Variants in LRP5 observed in about 807,000 individuals in gnomAD.
LRP5 encodes low-density lipoprotein receptor-related protein 5.
In LRP5, 62 loss-of-function variants were observed where a neutral mutation model predicts 154.1. That is an observed-to-expected ratio of 0.40 (90% CI 0.33 to 0.50). The LOEUF is 0.50. Among genes scored for constraint, LRP5 ranks in the 20% least tolerant of loss-of-function variants. The probability of loss-of-function intolerance (pLI) is 0.55; values close to 1 mark genes in which losing one functional copy is unlikely to be tolerated. For missense variants in LRP5, 1,915 were observed against 2,336.7 expected, an observed-to-expected ratio of 0.82 and a Z score of 3.72; for synonymous variants, 966 against 1,011.5, an observed-to-expected ratio of 0.96 and a Z score of 0.85.
At chr11:68,402,188 C>T (rs1440322316) in intron 7 of LRP5, among the ~76,000 whole-genome samples, 2 of 152,198 alleles carry the variant, frequency 1.3e-5, no homozygotes, top group Non-Finnish European at 2.9e-5. Context: ...CTCTTTCATC[C>T]TGTCCTGAGA....
intron 20 of LRP5, 95 bp from the exon 21 acceptor site, chr11:68,439,682 G>A (rs1200787927): frequency 1.3e-5 from 17 of 1,328,774 alleles, no homozygotes; most frequent in East Asian, 5.0e-5. Flanking sequence ...TCTGAGTCTC[G>A]TGGGTAGTGG....
rs2098624405 is a variant in LRP5 at position 68,357,795 on chromosome 11, G to T, written c.634G>T (p.Ala212Ser). Residue 212 changes from alanine (A) to serine (S), a missense_variant, in exon 3 of 23, where the codon GCT (alanine) becomes TCT (serine). This residue lies in a region of LRP5 where 773 missense variants were observed against 1,100.9 expected (regional missense o/e 0.70). Coordinates refer to ENST00000294304, the MANE Select transcript of LRP5 (RefSeq NM_002335.4). ...CCTGGAGGAGCAGAAGCTCTACTGG[G>T]CTGACGCCAAGCTCAGCTTCATCCA... Reference protein sequence around the residue: ...IDLEEQKLYWADAKLSFIHRA... With the variant: ...IDLEEQKLYWSDAKLSFIHRA... The T allele has an allele frequency of 6.2e-7, 1 of 1,613,878 alleles. No individual in the cohort carries two copies.
intron 2 of LRP5, among the ~76,000 whole-genome samples, chr11:68,351,839 C>T (rs1361973721): frequency 6.6e-6 from 1 of 152,124 alleles, no homozygotes; most frequent in Non-Finnish European, 1.5e-5. Flanking sequence ...GGGAAGGCCT[C>T]TTGGTGACTT....
intron 12 of LRP5, 134 bp from the exon 13 acceptor site, chr11:68,416,194 C>A (rs1422566276): frequency 5.4e-6 from 4 of 746,928 alleles, no homozygotes; most frequent in Non-Finnish European, 9.6e-6. Context: ...CAGCCCTGGT[C>A]CCCCCGTCTT....
intron 1 of LRP5, among the ~76,000 whole-genome samples, chr11:68,326,151 G>A (rs113685756): frequency 1.1e-4 from 17 of 152,356 alleles, no homozygotes; most frequent in African/African-American, 4.1e-4. Flanking sequence ...GCCCTGGTGG[G>A]ATGGGGTCAG....
chr11:68,322,786 A>G (rs2098597440), intron 1 of LRP5, among the ~76,000 whole-genome samples: 1 of 152,242 alleles, frequency 6.6e-6, no homozygotes, highest in African/African-American at 2.4e-5. Flanking sequence ...CCTAGGTTGT[A>G]GAACACCTGT....
upstream of LRP5, among the ~76,000 whole-genome samples, chr11:68,307,926 A>G (rs562266842): frequency 9.8e-4 from 150 of 152,340 alleles, 1 homozygote; most frequent in African/African-American, 3.6e-3. Flanking sequence ...CATGATTCCC[A>G]CTTTTTGAAT....
Position 68,438,681 on chromosome 11 carries a change from A to G in LRP5, c.4347A>G (p.Thr1449=), listed in dbSNP as rs1219343767. ...APGGSQHGPF[T]GIACGKSMMS... ...GCGGTTCCCAGCATGGCCCCTTCAC[A>G]GGTAAGGAGCCTGAGATATGGAATG... The change falls in exon 20 of 23, where the codon ACA becomes ACG. Residue 1449 remains threonine, a splice_region_variant and synonymous_variant. Coordinates refer to ENST00000294304, the MANE Select transcript of LRP5 (RefSeq NM_002335.4). 2 of 1,610,922 alleles carry G rather than the reference A, an allele frequency of 1.2e-6. No individual in the cohort carries two copies. The highest frequency in any genetic ancestry group is 1.7e-5 in the Admixed American group (1 of 59,980).
At position 68,361,561 on chromosome 11, in the gene LRP5, C is replaced by T. The variant is rs113425905; in HGVS notation, c.687-2186C>T. Among the ~76,000 whole-genome samples the T allele has an allele frequency of 4.1e-3, 606 of 147,918 alleles. 7 individuals are homozygous for T. Among genetic ancestry groups the T allele is most frequent in the African/African-American group, 0.014 (576 of 40,082 alleles). ...CTGAGGCAGGAGAATGGTGTGAACCCGGGAGGCAGAGCTTGCAGTGAGCTG... is the reference window on the plus strand; with the variant it reads ...CTGAGGCAGGAGAATGGTGTGAACCTGGGAGGCAGAGCTTGCAGTGAGCTG... On this transcript the variant is annotated intron_variant, in intron 3 of 22. Coordinates refer to ENST00000294304, the MANE Select transcript of LRP5 (RefSeq NM_002335.4).
chr11:68,429,702 T>C lies in LRP5; in HGVS notation c.3763+2T>C, dbSNP rs774270653. On this transcript the variant is annotated splice_donor_variant, in intron 17 of 22. Coordinates refer to ENST00000294304, the MANE Select transcript of LRP5 (RefSeq NM_002335.4). LOFTEE classifies it high-confidence loss of function. ...TGCAGAACCTGCTGACCTGTGGAGGTAGGTGTGACCTAGGTGCTCCTTTGG... is the reference window on the plus strand; with the variant it reads ...TGCAGAACCTGCTGACCTGTGGAGGCAGGTGTGACCTAGGTGCTCCTTTGG... 1.4e-5 allele frequency: 22 copies of C among 1,613,980 alleles called. No homozygotes were observed. Among genetic ancestry groups the C allele is most frequent in the African/African-American group, 2.7e-5 (2 of 74,920 alleles).
At chr11:68,422,128 G>T (rs1484374498) in intron 13 of LRP5, among the ~76,000 whole-genome samples, 3 of 151,806 alleles carry the variant, frequency 2.0e-5, no homozygotes, top group Non-Finnish European at 4.4e-5. Context: ...AATTTTTTTT[G>T]ATACAGATGG....
intron 1 of LRP5, among the ~76,000 whole-genome samples, chr11:68,315,307 C>T (rs1333290364): frequency 6.6e-6 from 1 of 152,206 alleles, no homozygotes; most frequent in Non-Finnish European, 1.5e-5. Context: ...TGGCCCCAGC[C>T]GGTCTAGAGG....
At chr11:68,409,221 T>C (rs898686102) in intron 9 of LRP5, among the ~76,000 whole-genome samples, 1 of 60,988 alleles carries the variant, frequency 1.6e-5, no homozygotes, top group Non-Finnish European at 3.8e-5. Flanking sequence ...ATATATAATA[T>C]ATAATATAAA....
intron 17 of LRP5, among the ~76,000 whole-genome samples, chr11:68,429,973 C>A (rs990538037): frequency 6.6e-6 from 1 of 152,192 alleles, no homozygotes. Context: ...CCTGAGATGA[C>A]ATCTTTGGCT....
intron 1 of LRP5, among the ~76,000 whole-genome samples, chr11:68,329,363 T>C (rs2098601469): frequency 6.6e-6 from 1 of 152,228 alleles, no homozygotes; most frequent in African/African-American, 2.4e-5. Context: ...TACCCTCATT[T>C]TACAGACGAA....
In LRP5 at chr11:68,417,281, G is replaced by T. The variant is rs143333833; in HGVS notation, c.3027+754G>T. ...ATGGCCCCAGCAGTGAGCCCAGGGA[G>T]GTCAGAGACGGAGGTGTGTGTGTGG... On this transcript the variant is annotated intron_variant, in intron 13 of 22. Coordinates refer to ENST00000294304, the MANE Select transcript of LRP5 (RefSeq NM_002335.4). Among the ~76,000 whole-genome samples, 364 of 152,098 alleles carry T rather than the reference G, an allele frequency of 2.4e-3. 1 individual carries two copies. Among genetic ancestry groups the T allele is most frequent in the Middle Eastern group, 0.014 (4 of 294 alleles).
intron 7 of LRP5, among the ~76,000 whole-genome samples, chr11:68,390,869 C>T (rs1468181135): frequency 6.6e-6 from 1 of 152,134 alleles, no homozygotes; most frequent in African/African-American, 2.4e-5. Context: ...CCGCTGTGGT[C>T]GGGTTTCAGT....
chr11:68,378,388 T>G (rs1227813120), intron 5 of LRP5, among the ~76,000 whole-genome samples: 1 of 151,954 alleles, frequency 6.6e-6, no homozygotes, highest in Admixed American at 6.6e-5. Context: ...ATTCTTCCTG[T>G]CAACACATCT....
chr11:68,400,714 G>A, intron 7 of LRP5, among the ~76,000 whole-genome samples: 1 of 151,968 alleles, frequency 6.6e-6, no homozygotes, highest in South Asian at 2.1e-4. Context: ...GGCAACAAGA[G>A]TGAAACTCCG....
Sources: gnomAD v4.1 joint callset for allele counts (sites outside exome capture counted in the v4.1 genomes callset) on GRCh38, gnomAD v4.1.1 for gene constraint, gnomAD v4.1.1 regional missense constraint, MANE v1.5 for transcripts, NCBI Gene and HGNC (gene_info 2026-07-23, HGNC 2026-07-21) for gene names.